The following MMP28 variants were observed in gnomAD, a reference collection of about 807,000 sequenced individuals.
MMP28 encodes the protein matrix metalloproteinase-28.
Under a neutral mutation model 60.5 loss-of-function variants are expected in MMP28, and 55 were observed. That is an observed-to-expected ratio of 0.91 (90% CI 0.73 to 1.14). The LOEUF (loss-of-function observed/expected upper bound fraction) is 1.14. Ranked by LOEUF, MMP28 falls within the 50% of genes most tolerant of loss-of-function variation. The pLI, the probability that MMP28 is intolerant of heterozygous loss-of-function variation, is 0.00. For missense variants in MMP28, 686 were observed against 738.3 expected (o/e 0.93, Z 0.82); for synonymous variants, 318 against 312.5 (o/e 1.02, Z -0.18).
chr17:35,764,867 G>A, downstream of MMP28: 1 of 343,960 alleles, frequency 2.9e-6, no homozygotes, highest in Non-Finnish European at 5.2e-6. Flanking sequence ...GCCCACCGAG[G>A]GCTCCCCGCC....
At chr17:35,773,468 C>A in intron 3 of MMP28, 64 bp from the exon 4 acceptor site, 6 of 1,427,352 alleles carry the variant, frequency 4.2e-6, no homozygotes, top group Non-Finnish European at 5.7e-6. Flanking sequence ...TCCCCACAGA[C>A]CCAGTAGGAT....
intron 3 of MMP28, 53 bp downstream of exon 3, chr17:35,778,835 T>C (rs771532501): frequency 6.2e-7 from 1 of 1,613,864 alleles, no homozygotes; most frequent in South Asian, 1.1e-5. Context: ...TCCTAGCCAT[T>C]GGCTTCAAGA....
At chr17:35,761,071 T>C (rs1555601406), downstream of MMP28, 21 of 1,124,704 alleles carry the variant, frequency 1.9e-5, no homozygotes. Context: ...TCCATGTAGC[T>C]GCAAGCCCTC....
At chr17:35,779,767 GT>G (rs1568176788) in intron 1 of MMP28, among the ~76,000 whole-genome samples, 1 of 152,140 alleles carries the variant, frequency 6.6e-6, no homozygotes, top group African/African-American at 2.4e-5. Flanking sequence ...CCTTACAGGG[GT>G]TTTTTTGTGT....
In MMP28 at chr17:35,773,208, A is replaced by G. The variant is rs770360012; in HGVS notation, c.576T>C (p.Asp192=). The G allele has an allele frequency of 2.5e-6, 4 of 1,613,954 alleles. No homozygotes were observed. The Middle Eastern group carries it at 4.9e-4, about 200-fold the overall frequency. Residue 192 remains aspartate (D), a synonymous_variant, in exon 4 of 8, where the codon GAT becomes GAC. Coordinates refer to ENST00000605424, the MANE Select transcript of MMP28 (RefSeq NM_024302.5). ...GGCCATCAAAGGCATTGCCCAGCCC[A>G]TCGTTGTGGTCCCCTTGGAAGAAGG... ...RLTFFQGDHN[D]GLGNAFDGPG... is the part of the protein sequence containing the mutation.
downstream of MMP28, among the ~76,000 whole-genome samples, chr17:35,762,314 T>C (rs1209101303): frequency 6.6e-6 from 1 of 152,212 alleles, no homozygotes; most frequent in African/African-American, 2.4e-5. Context: ...GACTTTTCCA[T>C]AGCAAACTCC....
At chr17:35,790,889 TG>T (rs145297963) in intron 1 of MMP28, among the ~76,000 whole-genome samples, 13,919 of 149,082 alleles carry the variant, frequency 0.093, 789 homozygotes, top group East Asian at 0.21. Flanking sequence ...AATGTATTAA[TG>T]TTTTTTTTTT....
At chr17:35,783,552 G>A (rs1006209878) in intron 1 of MMP28, among the ~76,000 whole-genome samples, 2 of 152,172 alleles carry the variant, frequency 1.3e-5, no homozygotes, top group Admixed American at 1.3e-4. Flanking sequence ...TTTGCTAGGT[G>A]AGTGACTTGG....
chr17:35,764,194 A>G (rs768573818), downstream of MMP28: 153 of 1,547,880 alleles, frequency 9.9e-5, no homozygotes, highest in Non-Finnish European at 1.3e-4. Flanking sequence ...AGCGGCGCTC[A>G]GTGTCCTACT....
chr17:35,764,297 C>G (rs1555602217), downstream of MMP28: 1 of 1,510,596 alleles, frequency 6.6e-7, no homozygotes, highest in African/African-American at 1.4e-5. Context: ...CTTAGCGCTG[C>G]TGGGCGGCCT....
At chr17:35,760,944 G>A, downstream of MMP28, 2 of 1,613,732 alleles carry the variant, frequency 1.2e-6, no homozygotes, top group South Asian at 1.1e-5. Flanking sequence ...TGGGAAGAAT[G>A]GATAAGCATG....
At chr17:35,773,090 G>C in intron 4 of MMP28, 90 bp downstream of exon 4, 1 of 1,193,936 alleles carries the variant, frequency 8.4e-7, no homozygotes. Context: ...AAGGCCACAG[G>C]GAGGGTGAAT....
Position 35,766,032 on chromosome 17 carries a change from TG to T in MMP28, c.*467del. 1.0e-6 allele frequency: 1 copy of T among 985,370 alleles called. No individual in the cohort carries two copies. The highest frequency in any genetic ancestry group is 1.2e-6 in the Non-Finnish European group (1 of 829,928). 61.0% of individuals were successfully genotyped at this position (985,370 alleles called of 1,614,324 possible). A position where few individuals can be genotyped will look rare whatever the true frequency, so the allele number is the denominator to read the frequency against. Reference sequence around the variant, plus strand: ...TGCCTTCATCCCCATCCATGCTTCCTGGGGGTGGGGCCTCTGACTAAATATG... The same window carrying T: ...TGCCTTCATCCCCATCCATGCTTCCTGGGGTGGGGCCTCTGACTAAATATG... On this transcript the variant is annotated 3_prime_UTR_variant, in exon 8 of 8. Transcript: ENST00000605424. This position sits in a 1 kb window ranked among gnomAD's most constrained non-coding sequence, Gnocchi z 4.3.
chr17:35,764,221 G>A, downstream of MMP28: 2 of 1,545,754 alleles, frequency 1.3e-6, no homozygotes, highest in Non-Finnish European at 1.7e-6. Flanking sequence ...TGCGCCAGGA[G>A]TCCAGCACCC....
At chr17:35,778,588 T>G in intron 3 of MMP28, 1 of 498,126 alleles carries the variant, frequency 2.0e-6, no homozygotes, top group South Asian at 3.3e-5. Flanking sequence ...AAATGAAAAA[T>G]GTTAGCAACA....
intron 1 of MMP28, 74 bp downstream of exon 1, chr17:35,795,193 C>T: frequency 2.0e-6 from 2 of 986,144 alleles, no homozygotes; most frequent in Non-Finnish European, 2.8e-6. Flanking sequence ...AGGGGACTGC[C>T]GGGTGGCCTG....
chr17:35,766,927 G>A lies in MMP28; in HGVS notation c.1169-33C>T. On this transcript the variant is annotated intron_variant, in intron 7 of 7. Transcript: ENST00000605424. This position sits in a 1 kb window ranked among gnomAD's most constrained non-coding sequence, Gnocchi z 4.3. ...GAATTGGGAGAGCCAGGGTGAGCTG[G>A]AGGCTGTCACCCATTGGCCCTCTAC... 4 of 1,546,722 alleles carry A rather than the reference G, an allele frequency of 2.6e-6. No homozygotes were observed. Among genetic ancestry groups the A allele is most frequent in the Non-Finnish European group, 3.5e-6 (4 of 1,146,144 alleles).
At chr17:35,764,364 G>A (rs1555602257), downstream of MMP28, 1 of 1,452,158 alleles carries the variant, frequency 6.9e-7, no homozygotes, top group Non-Finnish European at 9.0e-7. Context: ...GAGGGAGGCG[G>A]TGCCCGGGCC....
At chr17:35,759,250 G>A (rs781988732) in intron 2 of MMP28, among the ~76,000 whole-genome samples, 52 of 152,212 alleles carry the variant, frequency 3.4e-4, no homozygotes, top group South Asian at 4.1e-4. Flanking sequence ...AGCTTGTTGG[G>A]AGACAATTCT....
Sources: gnomAD v4.1 joint callset for allele counts (sites outside exome capture counted in the v4.1 genomes callset) on GRCh38, gnomAD v4.1.1 for gene constraint, Gnocchi (gnomAD v3.1) non-coding constraint, MANE v1.5 for transcripts, NCBI Gene and HGNC (gene_info 2026-07-23, HGNC 2026-07-21) for gene names.